The following RIPOR2 variants were observed in gnomAD, a reference collection of about 807,000 sequenced individuals.
RIPOR2 encodes rho family-interacting cell polarization regulator 2.
In RIPOR2, 39 loss-of-function variants were observed where a neutral mutation model predicts 114.5. The observed-to-expected ratio is 0.34, with a 90% CI of 0.26 to 0.44. The LOEUF (loss-of-function observed/expected upper bound fraction) is 0.44. RIPOR2 is among the 20% of genes least tolerant of loss of function. The pLI is 1.00. For synonymous variants in RIPOR2, 445 were observed against 484.4 expected, an observed-to-expected ratio of 0.92 and a Z score of 1.07; for missense variants, 1,007 against 1,255.1, an observed-to-expected ratio of 0.80 and a Z score of 2.99.
chr6:25,024,196 G>T, intron 1 of RIPOR2: 3 of 1,423,842 alleles, frequency 2.1e-6, no homozygotes, highest in South Asian at 1.2e-5. Flanking sequence ...GCAATGCAGG[G>T]CCTGGCGAGA....
At chr6:24,974,969 G>T (rs1773971642) in intron 1 of RIPOR2, among the ~76,000 whole-genome samples, 1 of 152,214 alleles carries the variant, frequency 6.6e-6, no homozygotes, top group South Asian at 2.1e-4. Flanking sequence ...AAGTAGACTG[G>T]TGGTTGCCAG....
intron 1 of RIPOR2, among the ~76,000 whole-genome samples, chr6:24,979,162 G>A (rs892839924): frequency 2.0e-5 from 3 of 151,846 alleles, no homozygotes; most frequent in Non-Finnish European, 2.9e-5. Flanking sequence ...CTCAGCTGTC[G>A]TGCATCCTAT....
At chr6:24,922,506 G>C (rs1164922505) in intron 1 of RIPOR2, among the ~76,000 whole-genome samples, 1 of 151,030 alleles carries the variant, frequency 6.6e-6, no homozygotes, top group African/African-American at 2.5e-5. Context: ...AGACCCTCAG[G>C]AATTGCCTGG....
At chr6:24,830,936 G>A (rs552040090) in intron 16 of RIPOR2, among the ~76,000 whole-genome samples, 75 of 152,104 alleles carry the variant, frequency 4.9e-4, no homozygotes, top group South Asian at 3.7e-3. Context: ...GGCTGGTCTC[G>A]AACTCCTGTC....
intron 1 of RIPOR2, among the ~76,000 whole-genome samples, chr6:25,013,272 G>A (rs890516258): frequency 6.6e-6 from 1 of 152,144 alleles, no homozygotes; most frequent in African/African-American, 2.4e-5. Context: ...AAAGGTCAGT[G>A]ATTTTTTTTT....
chr6:24,967,953 C>T (rs2114233082), intron 1 of RIPOR2, among the ~76,000 whole-genome samples: 1 of 149,900 alleles, frequency 6.7e-6, no homozygotes, highest in Non-Finnish European at 1.5e-5. Context: ...CGCTCTGTCA[C>T]CCAGGCTGGA....
intron 1 of RIPOR2, among the ~76,000 whole-genome samples, chr6:24,997,687 G>A (rs1393312616): frequency 1.3e-5 from 2 of 152,140 alleles, no homozygotes; most frequent in African/African-American, 4.8e-5. Flanking sequence ...AATGTTCCCT[G>A]GGAGTAAAGT....
chr6:24,836,091 C>A (rs919676119), intron 14 of RIPOR2: 3 of 537,802 alleles, frequency 5.6e-6, no homozygotes, highest in Non-Finnish European at 1.0e-5. Context: ...TTTCAAAGTT[C>A]TTTCTCTACT....
At chr6:24,950,800 G>C (rs1464778105) in intron 1 of RIPOR2, among the ~76,000 whole-genome samples, 1 of 152,210 alleles carries the variant, frequency 6.6e-6, no homozygotes, top group African/African-American at 2.4e-5. Flanking sequence ...CAGGCGAGGT[G>C]GATGGGGTTG....
chr6:24,907,226 T>A (rs1769088077), intron 1 of RIPOR2, among the ~76,000 whole-genome samples: 1 of 152,244 alleles, frequency 6.6e-6, no homozygotes, highest in Non-Finnish European at 1.5e-5. Context: ...TGCACCTCAT[T>A]TGCTTTCACT....
chr6:24,853,200 C>CA (rs1313262872), intron 8 of RIPOR2, among the ~76,000 whole-genome samples: 1 of 140,820 alleles, frequency 7.1e-6, no homozygotes, highest in African/African-American at 2.6e-5. Flanking sequence ...ATTAAGAAAA[C>CA]AAAATCAATC....
intron 15 of RIPOR2, among the ~76,000 whole-genome samples, chr6:24,832,850 G>T (rs1015861520): frequency 6.6e-6 from 1 of 152,188 alleles, no homozygotes; most frequent in African/African-American, 2.4e-5. Flanking sequence ...ATTACAATCA[G>T]AGCTGTCTCT....
chr6:24,856,298 A>G (rs1421414610), intron 8 of RIPOR2, among the ~76,000 whole-genome samples: 1 of 152,222 alleles, frequency 6.6e-6, no homozygotes, highest in Non-Finnish European at 1.5e-5. Context: ...ACTTACTGAA[A>G]TAAGAGCAGA....
At chr6:25,002,621 T>G (rs1298832595) in intron 1 of RIPOR2, among the ~76,000 whole-genome samples, 1 of 152,258 alleles carries the variant, frequency 6.6e-6, no homozygotes, top group Non-Finnish European at 1.5e-5. Flanking sequence ...AACAGTGCCC[T>G]TTAAAGACAA....
rs1481719422 is a variant in RIPOR2 at position 24,885,036 on chromosome 6, G to T, written c.62-9219C>A. ...TATAATTATTAAGTATATATTATAT[G>T]CTCAGCGCTGGCAGGATGCTATGTG... On this transcript the variant is annotated intron_variant, in intron 1 of 21. Transcript: ENST00000643898. Among the ~76,000 whole-genome samples, 4 of 152,198 alleles carry T rather than the reference G, an allele frequency of 2.6e-5. No individual in the cohort carries two copies. The East Asian group carries it at 7.7e-4, about 29-fold the overall frequency.
rs761711347 is a variant in RIPOR2 at position 24,806,365 on chromosome 6, A to C, written c.*8T>G. ...TATTAAGACAGCTGTTAGGCAGTTA[A>C]CCTGTAATTAAAAGGCTGTGGCAAC... On this transcript the variant is annotated 3_prime_UTR_variant, in exon 22 of 22. Transcript: ENST00000643898. The C allele has an allele frequency of 7.2e-6, 11 of 1,527,024 alleles. No individual in the cohort carries two copies. In the South Asian group the frequency reaches 1.3e-4, roughly 18 times the overall value. 94.6% of individuals were successfully genotyped at this position (1,527,024 alleles called of 1,614,324 possible). A position where few individuals can be genotyped will look rare whatever the true frequency, so the allele number is the denominator to read the frequency against.
Position 24,859,462 on chromosome 6 carries a change from G to T in RIPOR2, c.715+1511C>A, listed in dbSNP as rs77962049. Among the ~76,000 whole-genome samples, 972 of 152,168 alleles carry T rather than the reference G, an allele frequency of 6.4e-3. 7 individuals carry two copies. Among genetic ancestry groups the T allele is most frequent in the South Asian group, 0.025 (122 of 4,828 alleles). On this transcript the variant is annotated intron_variant, in intron 8 of 21. Transcript: ENST00000643898. ...TCAAAGTTAAAATAAAAATTCCAGG[G>T]CCCACGTGGGACTATGGACCTGCGT...
chr6:24,817,978 C>CTTTTTTTTTTTTTTTTTTTTT (rs57294288), intron 20 of RIPOR2, among the ~76,000 whole-genome samples: 4 of 118,368 alleles, frequency 3.4e-5, no homozygotes, highest in Admixed American at 1.0e-4. Context: ...CTCTCTCTCT[C>CTTTTTTTTTTTTTTTTTTTTT]TTTTTTTTTG....
At chr6:25,000,414 C>A (rs1332080033) in intron 1 of RIPOR2, among the ~76,000 whole-genome samples, 2 of 152,182 alleles carry the variant, frequency 1.3e-5, no homozygotes, top group African/African-American at 4.8e-5. Flanking sequence ...ACTGTTGTAT[C>A]TCCTGAGCCC....
Sources: gnomAD v4.1 joint callset for allele counts (sites outside exome capture counted in the v4.1 genomes callset) on GRCh38, gnomAD v4.1.1 for gene constraint, MANE v1.5 for transcripts, NCBI Gene and HGNC (gene_info 2026-07-23, HGNC 2026-07-21) for gene names.